ITPR1: variants seen among roughly 807,000 people sequenced by gnomAD.
ITPR1 encodes the protein inositol 1,4,5-trisphosphate receptor type 1, also known as inositol 1,4,5-trisphosphate-gated calcium channel ITPR1.
Under a neutral mutation model 318.4 loss-of-function variants are expected in ITPR1, and 96 were observed. That is an observed-to-expected ratio of 0.30 (90% confidence interval 0.26 to 0.36). The LOEUF is 0.36. Among genes scored for constraint, ITPR1 ranks in the 10% least tolerant of loss-of-function variants. The probability of loss-of-function intolerance (pLI) is 1.00; values close to 1 mark genes in which losing one functional copy is unlikely to be tolerated. For missense variants in ITPR1, 2,440 were observed against 3,460.2 expected, an observed-to-expected ratio of 0.71 and a Z score of 7.40; for synonymous variants, 1,312 against 1,289.9, an observed-to-expected ratio of 1.02 and a Z score of -0.37.
rs552434078 is a variant in ITPR1 at position 4,536,902 on chromosome 3, A to G, written c.163+15808A>G. ...GTTGGTTGTTGGAATGGTGAACTAG[A>G]CTCTTGATTTTGGATGATAGCTTAA... On this transcript the variant is annotated intron_variant, in intron 4 of 61. Transcript: ENST00000649015. Among the ~76,000 whole-genome samples, 378 of 152,078 alleles carry G rather than the reference A, an allele frequency of 2.5e-3. 1 individual carries two copies. Among genetic ancestry groups the G allele is most frequent in the Non-Finnish European group, 4.4e-3 (299 of 67,998 alleles).
At chr3:4,748,438 G>A (rs1358585231) in intron 44 of ITPR1, among the ~76,000 whole-genome samples, 1 of 71,148 alleles carries the variant, frequency 1.4e-5, no homozygotes, top group African/African-American at 4.0e-5. Context: ...GAGTGGAATG[G>A]AAGCACATTT....
At chr3:4,500,127 T>A (rs1033576538) in intron 2 of ITPR1, among the ~76,000 whole-genome samples, 8 of 152,260 alleles carry the variant, frequency 5.3e-5, no homozygotes, top group Admixed American at 4.6e-4. Flanking sequence ...AGGCTCATCT[T>A]CTCTATTTCT....
At position 4,642,194 on chromosome 3, in the gene ITPR1, T is replaced by C. The variant is rs772182196; in HGVS notation, c.468T>C (p.Asn156=). ...AMRVTLDEAG[N]EGSWFYIQPF... ...GAGTCACATTGGACGAGGCTGGAAATGAAGGGTCCTGGTTTTATATTCAGC... is the reference window on the plus strand; with the variant it reads ...GAGTCACATTGGACGAGGCTGGAAACGAAGGGTCCTGGTTTTATATTCAGC... Residue 156 remains asparagine (N), a synonymous_variant, in exon 7 of 62, where the codon AAT becomes AAC. Coordinates refer to ENST00000649015, the MANE Select transcript of ITPR1 (RefSeq NM_001378452.1). 9.3e-6 allele frequency: 15 copies of C among 1,606,172 alleles called. No individual in the cohort carries two copies. The highest frequency in any genetic ancestry group is 1.7e-4 in the Middle Eastern group (1 of 6,036).
At chr3:4,709,059 G>A (rs1017068020) in intron 37 of ITPR1, among the ~76,000 whole-genome samples, 2 of 152,206 alleles carry the variant, frequency 1.3e-5, no homozygotes, top group East Asian at 1.9e-4. Context: ...CTTTAATCCT[G>A]TGTAAATACC....
At chr3:4,569,260 G>T (rs73807294) in intron 4 of ITPR1, among the ~76,000 whole-genome samples, 3,681 of 152,274 alleles carry the variant, frequency 0.024, 156 homozygotes, top group African/African-American at 0.084. Context: ...TTATTTTAAA[G>T]AAAGTTAATT....
Position 4,846,316 on chromosome 3 carries a change from A to C in ITPR1, c.*91A>C. On this transcript the variant is annotated 3_prime_UTR_variant, in exon 62 of 62. Coordinates refer to ENST00000649015, the MANE Select transcript of ITPR1 (RefSeq NM_001378452.1). ...GTTCTGATTCACCCACGAAGGTTAC[A>C]TTTATGCTGAATACATTTGTAAATA... 1 of 789,118 alleles carries C rather than the reference A, an allele frequency of 1.3e-6. No homozygotes were observed. Among genetic ancestry groups the C allele is most frequent in the Admixed American group, 2.3e-5 (1 of 43,056 alleles). 48.9% of individuals were successfully genotyped at this position (789,118 alleles called of 1,614,324 possible). A position where few individuals can be genotyped will look rare whatever the true frequency, so the allele number is the denominator to read the frequency against.
intron 53 of ITPR1, among the ~76,000 whole-genome samples, chr3:4,799,636 G>A (rs939814447): frequency 6.6e-6 from 1 of 152,108 alleles, no homozygotes; most frequent in Non-Finnish European, 1.5e-5. Context: ...TTTGAAATAG[G>A]GGTGTTTTTT....
At chr3:4,723,114 C>G (rs772587916) in intron 40 of ITPR1, among the ~76,000 whole-genome samples, 4 of 152,202 alleles carry the variant, frequency 2.6e-5, no homozygotes, top group Non-Finnish European at 4.4e-5. Context: ...TGCCACTGCA[C>G]TTCAGCCTGG....
chr3:4,605,324 A>G (rs1193479579), intron 4 of ITPR1, among the ~76,000 whole-genome samples: 1 of 152,150 alleles, frequency 6.6e-6, no homozygotes, highest in Non-Finnish European at 1.5e-5. Flanking sequence ...GAACAGCTAT[A>G]AAAAACATGG....
In ITPR1 at chr3:4,521,099, G is replaced by C; in HGVS notation, c.163+5G>C. The C allele has an allele frequency of 1.2e-6, 2 of 1,609,562 alleles. No individual in the cohort carries two copies. The highest frequency in any genetic ancestry group is 2.2e-5 in the South Asian group (2 of 90,912). On this transcript the variant is annotated splice_donor_5th_base_variant and intron_variant, in intron 4 of 61. Coordinates refer to ENST00000649015, the MANE Select transcript of ITPR1 (RefSeq NM_001378452.1). ...ATCCACCTAAGAAATTCAGAGGTAA[G>C]GTGGTGGCTTTCCTGGAGTAGTCAC...
intron 56 of ITPR1, among the ~76,000 whole-genome samples, chr3:4,812,039 C>A (rs1575343490): frequency 7.3e-6 from 1 of 137,912 alleles, no homozygotes; most frequent in Non-Finnish European, 1.6e-5. Flanking sequence ...ACATGTATGT[C>A]TTTTTTTTTT....
Position 4,636,760 on chromosome 3 carries a change from G to A in ITPR1, c.280-2624G>A, listed in dbSNP as rs115521881. The stretch of plus-strand genomic sequence containing the variant: ...ATCTTTCTTTTAAGAGAAGTCTTTA[G>A]ATATTTATTCTCCAATGTTGTTTTA... On this transcript the variant is annotated intron_variant, in intron 5 of 61. Coordinates refer to ENST00000649015, the MANE Select transcript of ITPR1 (RefSeq NM_001378452.1). Among the ~76,000 whole-genome samples, 637 of 152,332 alleles carry A rather than the reference G, an allele frequency of 4.2e-3. 6 individuals carry two copies. Among genetic ancestry groups the A allele is most frequent in the African/African-American group, 0.015 (613 of 41,572 alleles).
intron 42 of ITPR1, among the ~76,000 whole-genome samples, chr3:4,730,358 T>C (rs1183376768): frequency 6.9e-6 from 1 of 144,422 alleles, no homozygotes; most frequent in Middle Eastern, 3.5e-3. Context: ...AAAAAAAAAG[T>C]TTGTTGGGTG....
chr3:4,691,404 T>C, intron 32 of ITPR1, 60 bp downstream of exon 32: 2 of 1,212,670 alleles, frequency 1.6e-6, no homozygotes, highest in Non-Finnish European at 1.2e-6. Flanking sequence ...TTTAAAATTA[T>C]TTAATCTTAT....
chr3:4,574,712 T>C (rs760583816), intron 4 of ITPR1, among the ~76,000 whole-genome samples: 1 of 152,240 alleles, frequency 6.6e-6, no homozygotes, highest in Non-Finnish European at 1.5e-5. Flanking sequence ...CCTTAAATGG[T>C]CTTCCATGCT....
chr3:4,777,414 C>G (rs1334380229), intron 48 of ITPR1, 40 bp downstream of exon 48: 1 of 1,302,834 alleles, frequency 7.7e-7, no homozygotes, highest in South Asian at 1.3e-5. Flanking sequence ...CATTTGGAAA[C>G]AGTCACTTTT....
At chr3:4,725,705 G>A (rs151320520) in intron 41 of ITPR1, 124 bp downstream of exon 41, 4 of 812,288 alleles carry the variant, frequency 4.9e-6, no homozygotes, top group Non-Finnish European at 8.2e-6. Context: ...GTAGGAGGGA[G>A]GTCTCTAGGC....
At chr3:4,651,403 T>C (rs4685793) in intron 10 of ITPR1, among the ~76,000 whole-genome samples, 123,440 of 152,120 alleles carry the variant, frequency 0.81, 50,896 homozygotes, top group East Asian at 1. Flanking sequence ...TTCATGCCCT[T>C]AGCTTGGATT....
At chr3:4,829,039 G>A (rs139392814) in intron 60 of ITPR1, among the ~76,000 whole-genome samples, 1 of 152,298 alleles carries the variant, frequency 6.6e-6, no homozygotes, top group African/African-American at 2.4e-5. Flanking sequence ...CCCAGCTCTA[G>A]GCAGATGACA....
Sources: allele counts gnomAD v4.1 joint callset (sites outside exome capture counted in the v4.1 genomes callset), GRCh38; gene constraint gnomAD v4.1.1; transcripts MANE v1.5; gene names NCBI Gene and HGNC (gene_info 2026-07-23, HGNC 2026-07-21).